Variants in ARHGEF2 observed in about 807,000 individuals in gnomAD.
ARHGEF2 encodes rho guanine nucleotide exchange factor 2.
Under a neutral mutation model 121.0 loss-of-function variants are expected in ARHGEF2, and 22 were observed. The observed-to-expected ratio is 0.18, with a 90% CI of 0.13 to 0.26. The LOEUF is 0.26. Ranked by LOEUF, ARHGEF2 falls within the 10% of genes least tolerant of loss-of-function variation. The pLI is 1.00. For missense variants in ARHGEF2, 907 were observed against 1,336.0 expected, an observed-to-expected ratio of 0.68 and a Z score of 5.01; for synonymous variants, 487 against 530.0, an observed-to-expected ratio of 0.92 and a Z score of 1.11.
intron 1 of ARHGEF2, 124 bp from the exon 2 acceptor site, chr1:155,969,424 C>T: frequency 6.6e-7 from 1 of 1,514,802 alleles, no homozygotes; most frequent in East Asian, 2.3e-5. Context: ...TGGAAAGACA[C>T]CAGTTCCTAA....
Position 155,947,702 on chromosome 1 carries a change from C to T in ARHGEF2, c.*240G>A, listed in dbSNP as rs2102621364. 7.6e-6 allele frequency: 4 copies of T among 526,208 alleles called. 1 individual carries two copies. The highest frequency in any genetic ancestry group is 1.4e-5 in the Non-Finnish European group (4 of 295,374). 32.6% of individuals were successfully genotyped at this position (526,208 alleles called of 1,614,324 possible). On this transcript the variant is annotated 3_prime_UTR_variant, in exon 22 of 22. Coordinates refer to ENST00000361247, the MANE Select transcript of ARHGEF2 (RefSeq NM_001162383.2). ...AAATAAATAAATTTTCCTAAAGTTGCGGGAAGAAGGCATGAACCACTGGCA... is the reference window on the plus strand; with the variant it reads ...AAATAAATAAATTTTCCTAAAGTTGTGGGAAGAAGGCATGAACCACTGGCA...
intron 12 of ARHGEF2, 62 bp downstream of exon 12, chr1:155,958,258 G>A (rs960967427): frequency 7.0e-7 from 1 of 1,430,582 alleles, no homozygotes; most frequent in Non-Finnish European, 9.8e-7. Context: ...GCTTGGGCAG[G>A]AAAGCAAGAA....
chr1:155,954,714 A>G (rs4661162), intron 14 of ARHGEF2, among the ~76,000 whole-genome samples, 188 bp downstream of exon 14: 121,245 of 150,780 alleles, frequency 0.8, 51,222 homozygotes, highest in East Asian at 0.94. Context: ...GGTCTTCCAT[A>G]TTATTTTTAC....
At position 155,955,552 on chromosome 1, in the gene ARHGEF2, G is replaced by C. The variant is rs147058172; in HGVS notation, c.1716-583C>G. 2.3e-3 allele frequency among the ~76,000 whole-genome samples: 343 copies of C among 152,236 alleles called. 1 individual carries two copies. Among genetic ancestry groups the C allele is most frequent in the Non-Finnish European group, 3.2e-3 (219 of 68,004 alleles). ...ATCAAGCAAACAGGATGCAAATCCTGGCTCCACTGTTTACCAGGTGGTAAC... is the reference window on the plus strand; with the variant it reads ...ATCAAGCAAACAGGATGCAAATCCTCGCTCCACTGTTTACCAGGTGGTAAC... On this transcript the variant is annotated intron_variant, in intron 13 of 21. Transcript: ENST00000361247.
rs374724213 is a variant in ARHGEF2, at chr1:155,962,990, G to A, written c.918C>T (p.Cys306=). The change falls in exon 8 of 22, where the codon TGC becomes TGT. Residue 306 remains cysteine (C), a synonymous_variant. Coordinates refer to ENST00000361247, the MANE Select transcript of ARHGEF2 (RefSeq NM_001162383.2). The surrounding 1 kb of genome is among the most constrained non-coding windows in gnomAD (Gnocchi z 5.8). ...TGACAAAGTTCCGGGTGCTGCCAGG[G>A]CACAGGGCCTGGCGTCGGCGTTCTA... ...QLLERRRQAL[C]PGSTRNFVIH... 5.0e-6 allele frequency: 8 copies of A among 1,614,072 alleles called. No homozygotes were observed. The African/African-American group carries it at 9.3e-5, about 19-fold the overall frequency.
intron 14 of ARHGEF2, among the ~76,000 whole-genome samples, chr1:155,954,282 C>CTTTTTTT (rs544870775): frequency 4.6e-5 from 5 of 108,502 alleles, no homozygotes; most frequent in Non-Finnish European, 9.2e-5. Flanking sequence ...CAATCTACTT[C>CTTTTTTT]TTTTTTTTTT....
chr1:155,951,374 G>A lies in ARHGEF2; in HGVS notation c.2260-102C>T, dbSNP rs755578941. ...CCAGATCATCGCTCCTGGAGAGCTTGGATTGGGAGGGTATTTAGAAAGGCC... is the reference window on the plus strand; with the variant it reads ...CCAGATCATCGCTCCTGGAGAGCTTAGATTGGGAGGGTATTTAGAAAGGCC... On this transcript the variant is annotated intron_variant, in intron 19 of 21. Coordinates refer to ENST00000361247, the MANE Select transcript of ARHGEF2 (RefSeq NM_001162383.2). The surrounding 1 kb of genome is among the most constrained non-coding windows in gnomAD (Gnocchi z 5.1). 2 of 1,577,036 alleles carry A rather than the reference G, an allele frequency of 1.3e-6. No homozygotes were observed. Among genetic ancestry groups the A allele is most frequent in the South Asian group, 2.2e-5 (2 of 88,952 alleles).
chr1:155,959,696 T>C (rs1677488698), intron 11 of ARHGEF2, among the ~76,000 whole-genome samples: 1 of 151,872 alleles, frequency 6.6e-6, no homozygotes, highest in African/African-American at 2.4e-5. Flanking sequence ...AGGTGAATGC[T>C]GCCATGCCTG....
intron 7 of ARHGEF2, among the ~76,000 whole-genome samples, chr1:155,964,163 AAAAAATATATAT>A (rs1321714410): frequency 5.8e-5 from 5 of 85,478 alleles, no homozygotes; most frequent in African/African-American, 2.4e-4. Context: ...AAAAAAAAAA[AAAAAATATATAT>A]ATATATATAT....
At chr1:155,958,924 C>A in intron 11 of ARHGEF2, among the ~76,000 whole-genome samples, 1 of 126,200 alleles carries the variant, frequency 7.9e-6, no homozygotes, top group East Asian at 2.3e-4. Flanking sequence ...GGGTGGGGGG[C>A]GGGCAGGGTG....
At chr1:155,948,209 G>A (rs921619816) in intron 21 of ARHGEF2, among the ~76,000 whole-genome samples, 194 bp from the exon 22 acceptor site, 4 of 152,176 alleles carry the variant, frequency 2.6e-5, no homozygotes, top group African/African-American at 9.7e-5. Context: ...CCTAGGTACC[G>A]GATACACTTT....
chr1:155,949,998 G>C lies in ARHGEF2; in HGVS notation c.2887+301C>G, dbSNP rs78240537. On this transcript the variant is annotated intron_variant, in intron 21 of 21. Coordinates refer to ENST00000361247, the MANE Select transcript of ARHGEF2 (RefSeq NM_001162383.2). ...GCTGGCCTCAAAATTCTGAGCTCAAGCGATCCTCCTGCCTTGGCCTCCCAA... is the reference window on the plus strand; with the variant it reads ...GCTGGCCTCAAAATTCTGAGCTCAACCGATCCTCCTGCCTTGGCCTCCCAA... 2.5e-3 allele frequency among the ~76,000 whole-genome samples: 385 copies of C among 152,220 alleles called. 8 individuals are homozygous for C. The East Asian group carries it at 0.049, about 19-fold the overall frequency.
intron 1 of ARHGEF2, among the ~76,000 whole-genome samples, chr1:155,973,197 G>T (rs570379012): frequency 6.6e-5 from 10 of 152,142 alleles, no homozygotes; most frequent in Non-Finnish European, 1.3e-4. Context: ...AGCAAGGAAG[G>T]ATGTATGGAC....
intron 13 of ARHGEF2, among the ~76,000 whole-genome samples, chr1:155,956,469 A>C (rs952690178): frequency 6.6e-6 from 1 of 152,178 alleles, no homozygotes; most frequent in African/African-American, 2.4e-5. Context: ...GTTAAAAAAA[A>C]AAAAAGGTTT....
intron 1 of ARHGEF2, among the ~76,000 whole-genome samples, chr1:155,977,877 C>T (rs1681581634): frequency 6.6e-6 from 1 of 152,160 alleles, no homozygotes; most frequent in Admixed American, 6.5e-5. Flanking sequence ...AGCCGGGAAA[C>T]CACCCCCTCC....
chr1:155,962,092 C>A lies in ARHGEF2; in HGVS notation c.1219+13G>T. On this transcript the variant is annotated intron_variant, in intron 10 of 21. Coordinates refer to ENST00000361247, the MANE Select transcript of ARHGEF2 (RefSeq NM_001162383.2). This position sits in a 1 kb window ranked among gnomAD's most constrained non-coding sequence, Gnocchi z 5.8. ...CGTCTCCCAGTGGCCCTCTCCTGGGCCTGCCTACTCACCGTGGGAATGCTG... is the reference window on the plus strand; with the variant it reads ...CGTCTCCCAGTGGCCCTCTCCTGGGACTGCCTACTCACCGTGGGAATGCTG... 1 of 1,613,860 alleles carries A rather than the reference C, an allele frequency of 6.2e-7. No individual in the cohort carries two copies. Among genetic ancestry groups the A allele is most frequent in the Non-Finnish European group, 8.5e-7 (1 of 1,179,766 alleles).
intron 1 of ARHGEF2, among the ~76,000 whole-genome samples, chr1:155,977,909 G>T (rs1253047020): frequency 2.0e-5 from 3 of 152,178 alleles, no homozygotes; most frequent in African/African-American, 7.2e-5. Context: ...CCGGATGGCG[G>T]GGACAAAGGG....
chr1:155,966,847 G>A lies in ARHGEF2; in HGVS notation c.249C>T (p.Leu83=). Reference sequence around the variant, plus strand: ...TCTGCTTGACCTTGGTACAGTTGGCGAGGGTGTCTTTACAGCGGTTGTGGA... The same window carrying A: ...TCTGCTTGACCTTGGTACAGTTGGCAAGGGTGTCTTTACAGCGGTTGTGGA... ...VTIHNRCKDT[L]ANCTKVKQKQ... The change falls in exon 3 of 22, where the codon CTC becomes CTT. Residue 83 remains leucine (L), a synonymous_variant. Transcript: ENST00000361247. The A allele has an allele frequency of 4.3e-6, 7 of 1,613,762 alleles. No individual in the cohort carries two copies. The highest frequency in any genetic ancestry group is 5.9e-6 in the Non-Finnish European group (7 of 1,179,914).
Position 155,978,107 on chromosome 1 carries a change from C to T in ARHGEF2, c.63+258G>A. 1 of 1,227,924 alleles carries T rather than the reference C, an allele frequency of 8.1e-7. No individual in the cohort carries two copies. Among genetic ancestry groups the T allele is most frequent in the Non-Finnish European group, 1.0e-6 (1 of 979,802 alleles). The allele number at this position is 1,227,924 out of a possible 1,614,324, so 76.1% of individuals were successfully genotyped here. ...TCAAGCGGCCTAAAGCACTCGGTCC[C>T]GCCGGCTTGGAGGCGACCAAGCCCA... is the stretch of plus-strand genomic sequence containing the variant. On this transcript the variant is annotated intron_variant, in intron 1 of 21. Coordinates refer to ENST00000361247, the MANE Select transcript of ARHGEF2 (RefSeq NM_001162383.2). The surrounding 1 kb of genome is among the most constrained non-coding windows in gnomAD (Gnocchi z 4.1).
Sources: gnomAD v4.1 joint callset for allele counts (sites outside exome capture counted in the v4.1 genomes callset) on GRCh38, gnomAD v4.1.1 for gene constraint, Gnocchi (gnomAD v3.1) non-coding constraint, MANE v1.5 for transcripts, NCBI Gene and HGNC (gene_info 2026-07-23, HGNC 2026-07-21) for gene names.